The following BPIFC variants were observed in gnomAD, a reference collection of about 807,000 sequenced individuals.
BPIFC encodes the protein BPI fold containing family C, also known as BPI fold-containing family C protein.
A neutral mutation model predicts 57.6 loss-of-function variants in BPIFC; 60 were observed. The observed-to-expected ratio is 1.04, with a 90% CI of 0.85 to 1.29. The LOEUF is 1.29. Ranked by LOEUF, BPIFC falls within the 50% of genes most tolerant of loss-of-function variation. BPIFC has a pLI of 0.00. For synonymous variants in BPIFC, 243 were observed against 224.5 expected (o/e 1.08, Z -0.74); for missense variants, 581 against 600.5 (o/e 0.97, Z 0.34).
intron 8 of BPIFC, among the ~76,000 whole-genome samples, chr22:32,438,105 C>T (rs1730785692): frequency 6.6e-6 from 1 of 152,142 alleles, no homozygotes; most frequent in Admixed American, 6.5e-5. Context: ...GCAGTGGTCC[C>T]CCTTATCTGC....
chr22:32,441,839 T>TG (rs377578409), intron 8 of BPIFC, among the ~76,000 whole-genome samples: 1 of 151,964 alleles, frequency 6.6e-6, no homozygotes, highest in Non-Finnish European at 1.5e-5. Flanking sequence ...GGCCTGGGGT[T>TG]GGGGGGGATG....
Position 32,462,505 on chromosome 22 carries a change from A to C in BPIFC, c.-88-844T>G, listed in dbSNP as rs12159688. On this transcript the variant is annotated intron_variant, in intron 1 of 16. Transcript: ENST00000300399. ...AAAAACATAATAAACCAGAGAAGAA[A>C]TATTACTTGTGAATGGAATAACAAC... is the stretch of plus-strand genomic sequence containing the variant. 8.9e-3 allele frequency among the ~76,000 whole-genome samples: 1,353 copies of C among 152,312 alleles called. 15 individuals carry two copies. Among genetic ancestry groups the C allele is most frequent in the African/African-American group, 0.03 (1,263 of 41,580 alleles).
intron 16 of BPIFC, among the ~76,000 whole-genome samples, chr22:32,414,691 T>C (rs549397360): frequency 6.6e-6 from 1 of 152,002 alleles, no homozygotes; most frequent in Non-Finnish European, 1.5e-5. Flanking sequence ...TTTTTGTATT[T>C]TTAGTAGAGA....
intron 9 of BPIFC, 73 bp downstream of exon 9, chr22:32,437,687 A>G (rs879173413): frequency 1.8e-6 from 2 of 1,127,862 alleles, no homozygotes; most frequent in South Asian, 2.5e-5. Flanking sequence ...CACCGTGCCC[A>G]GTCCATAATC....
At chr22:32,415,872 A>T (rs376019063) in intron 16 of BPIFC, 43 bp downstream of exon 16, 157 of 1,396,214 alleles carry the variant, frequency 1.1e-4, no homozygotes, top group Middle Eastern at 1.8e-4. Context: ...AGTCTACTAT[A>T]AAAAGAAATG....
intron 9 of BPIFC, among the ~76,000 whole-genome samples, chr22:32,437,340 T>C (rs1187565574): frequency 6.6e-6 from 1 of 152,208 alleles, no homozygotes; most frequent in Non-Finnish European, 1.5e-5. Flanking sequence ...AGCATGTATA[T>C]AGATTTCCTT....
At chr22:32,452,367 T>C (rs1256230935) in intron 4 of BPIFC, among the ~76,000 whole-genome samples, 2 of 150,496 alleles carry the variant, frequency 1.3e-5, no homozygotes, top group East Asian at 4.1e-4. Context: ...CTGGGCGTGG[T>C]GGCTCACGCC....
intron 13 of BPIFC, among the ~76,000 whole-genome samples, chr22:32,429,509 G>GTTTTTTTTTTT (rs780948561): frequency 3.5e-5 from 2 of 56,622 alleles, no homozygotes; most frequent in African/African-American, 7.0e-5. Context: ...ACTGGCCTTT[G>GTTTTTTTTTTT]TTTTTTTTTT....
At chr22:32,457,455 A>C in intron 2 of BPIFC, 69 bp from the exon 3 acceptor site, 1 of 1,542,416 alleles carries the variant, frequency 6.5e-7, no homozygotes, top group Non-Finnish European at 8.7e-7. Flanking sequence ...TAAATCCAAC[A>C]TTTCTAGATT....
intron 13 of BPIFC, among the ~76,000 whole-genome samples, chr22:32,423,714 C>G (rs192484669): frequency 6.6e-6 from 1 of 151,334 alleles, no homozygotes; most frequent in Admixed American, 6.6e-5. Context: ...GATGGCTCAA[C>G]AGTAACGTAC....
chr22:32,461,893 G>T (rs1935167271), intron 1 of BPIFC, among the ~76,000 whole-genome samples: 1 of 152,128 alleles, frequency 6.6e-6, no homozygotes, highest in Admixed American at 6.5e-5. Context: ...GCAAAAATAG[G>T]CCGGGCGTGG....
In BPIFC at chr22:32,432,379, C is replaced by A. The variant is rs150852332; in HGVS notation, c.1143G>T (p.Met381Ile). The A allele has an allele frequency of 1.0e-3, 1,694 of 1,613,984 alleles. 2 individuals are homozygous for A. Among genetic ancestry groups the A allele is most frequent in the Non-Finnish European group, 1.3e-3 (1,520 of 1,180,024 alleles). ...ACTGTCTCCCCAGACTTACGAAGTC[C>A]ATGGAAACGATGGTTTCAACTGTGG... ...KNSTVETIVS[M>I]DFVASTSVGL... The change falls in exon 12 of 17, where the codon ATG becomes ATT. Residue 381 changes from methionine to isoleucine, a missense_variant. Met to Ile is a conservative substitution (Grantham distance 10). Transcript: ENST00000300399.
chr22:32,446,500 T>C (rs1934734035), intron 5 of BPIFC, among the ~76,000 whole-genome samples: 1 of 152,186 alleles, frequency 6.6e-6, no homozygotes, highest in African/African-American at 2.4e-5. Flanking sequence ...ATTGAATAAA[T>C]GAATGAATAC....
intron 8 of BPIFC, among the ~76,000 whole-genome samples, chr22:32,439,849 A>T (rs1410658381): frequency 5.9e-5 from 9 of 152,176 alleles, no homozygotes; most frequent in African/African-American, 2.2e-4. Flanking sequence ...TCCTGACCTC[A>T]AGCGAGTTGC....
At chr22:32,429,525 T>TTTG (rs1934176431) in intron 13 of BPIFC, among the ~76,000 whole-genome samples, 1 of 142,110 alleles carries the variant, frequency 7.0e-6, no homozygotes, top group African/African-American at 2.6e-5. Context: ...TTTTTTTTTT[T>TTTG]TTTTTTTTTT....
chr22:32,430,643 A>G (rs1003854125), intron 13 of BPIFC, among the ~76,000 whole-genome samples: 3 of 150,282 alleles, frequency 2.0e-5, no homozygotes, highest in African/African-American at 7.3e-5. Flanking sequence ...TATGTGAGAG[A>G]GATATATTTT....
intron 2 of BPIFC, among the ~76,000 whole-genome samples, chr22:32,458,796 T>C (rs1295518065): frequency 6.6e-6 from 1 of 152,210 alleles, no homozygotes; most frequent in Admixed American, 6.5e-5. Context: ...GATTGTGTCT[T>C]ACTTCTATAA....
chr22:32,446,689 C>T lies in BPIFC; in HGVS notation c.374+523G>A, dbSNP rs556120291. On this transcript the variant is annotated intron_variant, in intron 5 of 16. Transcript: ENST00000300399. ...CCAAGGCAGACCTAAACATTACACC[C>T]AGAACAGTGATTTACACATTGCAAC... 37 of 944,770 alleles carry T rather than the reference C, an allele frequency of 3.9e-5. No homozygotes were observed. The African/African-American group carries it at 6.5e-4, about 17-fold the overall frequency. The allele number at this position is 944,770 out of a possible 1,614,324, so 58.5% of individuals were successfully genotyped here. A position where few individuals can be genotyped will look rare whatever the true frequency, so the allele number is the denominator to read the frequency against.
At chr22:32,451,171 G>A (rs912347042) in intron 4 of BPIFC, among the ~76,000 whole-genome samples, 5 of 152,140 alleles carry the variant, frequency 3.3e-5, no homozygotes, top group Non-Finnish European at 7.3e-5. Flanking sequence ...CCTGTTTCCA[G>A]CTTCATCCAC....
Sources: gnomAD v4.1 joint callset for allele counts (sites outside exome capture counted in the v4.1 genomes callset) on GRCh38, gnomAD v4.1.1 for gene constraint, MANE v1.5 for transcripts, NCBI Gene and HGNC (gene_info 2026-07-23, HGNC 2026-07-21) for gene names.